OSBPL9: variants seen among roughly 807,000 people sequenced by gnomAD.
OSBPL9 encodes oxysterol binding protein like 9, also known as oxysterol-binding protein-related protein 9.
In OSBPL9, 40 loss-of-function variants were observed where a neutral mutation model predicts 106.6. The observed-to-expected ratio is 0.38, with a 90% CI of 0.29 to 0.49. The LOEUF is 0.49. Ranked by LOEUF, OSBPL9 falls within the 20% of genes least tolerant of loss-of-function variation. The pLI is 0.97. For missense variants in OSBPL9, 609 were observed against 887.2 expected (o/e 0.69, Z 3.98); for synonymous variants, 269 against 295.4 (o/e 0.91, Z 0.92).
chr1:51,724,856 T>C, intron 4 of OSBPL9: 1 of 264,346 alleles, frequency 3.8e-6, no homozygotes, highest in Non-Finnish European at 7.4e-6. Context: ...TACCCTTCTG[T>C]GTTAGCCCCT....
intron 4 of OSBPL9, among the ~76,000 whole-genome samples, chr1:51,737,890 G>A (rs1206140978): frequency 6.6e-6 from 1 of 151,948 alleles, no homozygotes; most frequent in Non-Finnish European, 1.5e-5. Context: ...ATATAGAGAG[G>A]GTGACCATGT....
chr1:51,607,408 C>T (rs533946677), intron 2 of OSBPL9, among the ~76,000 whole-genome samples: 54 of 152,142 alleles, frequency 3.5e-4, no homozygotes, highest in African/African-American at 1.3e-3. Context: ...GTGATCTGCC[C>T]GGCTCAGCCT....
In OSBPL9 at chr1:51,787,911, A is replaced by G. The variant is rs1190099625; in HGVS notation, c.*122A>G. 4.6e-6 allele frequency: 4 copies of G among 864,340 alleles called. No homozygotes were observed. Among genetic ancestry groups the G allele is most frequent in the Non-Finnish European group, 7.4e-6 (4 of 538,634 alleles). 53.5% of individuals were successfully genotyped at this position (864,340 alleles called of 1,614,324 possible). A position where few individuals can be genotyped will look rare whatever the true frequency, so the allele number is the denominator to read the frequency against. ...TTCTAATTACAGTGGTTCCTATCTC[A>G]GGGATACTGGACTTTCTGACGCAGA... On this transcript the variant is annotated 3_prime_UTR_variant, in exon 24 of 24. Coordinates refer to ENST00000428468, the MANE Select transcript of OSBPL9 (RefSeq NM_024586.6).
chr1:51,519,214 C>T, the OSBPL9 span: 4 of 1,348,366 alleles, frequency 3.0e-6, no homozygotes, highest in Non-Finnish European at 2.9e-6. Context: ...TCAGAGAGAG[C>T]TGGGCCGCCG....
chr1:51,564,312 G>A, the OSBPL9 span, among the ~76,000 whole-genome samples: 1 of 151,954 alleles, frequency 6.6e-6, no homozygotes, highest in African/African-American at 2.4e-5. Context: ...AAGTAAGATG[G>A]GAATTTCCCT....
the OSBPL9 span, among the ~76,000 whole-genome samples, chr1:51,550,213 GC>G: frequency 2.0e-5 from 3 of 152,200 alleles, no homozygotes; most frequent in Non-Finnish European, 4.4e-5. Flanking sequence ...CAAATTTATG[GC>G]AAAGTGCTTT....
upstream of OSBPL9, chr1:51,616,956 A>G: frequency 7.0e-7 from 1 of 1,433,508 alleles, no homozygotes; most frequent in Non-Finnish European, 9.2e-7. Context: ...AGGCGCCCTA[A>G]GAAAGCGTGT....
chr1:51,592,260 G>A (rs959162575), intron 1 of OSBPL9, among the ~76,000 whole-genome samples: 23 of 151,694 alleles, frequency 1.5e-4, no homozygotes, highest in Non-Finnish European at 1.8e-4. Flanking sequence ...GACTACAGGC[G>A]CCCGCCACCA....
At chr1:51,654,806 T>C (rs553426302) in intron 2 of OSBPL9, among the ~76,000 whole-genome samples, 1 of 152,220 alleles carries the variant, frequency 6.6e-6, no homozygotes, top group South Asian at 2.1e-4. Context: ...CTAAGTGAAA[T>C]AAGCCAGTTA....
the OSBPL9 span, among the ~76,000 whole-genome samples, chr1:51,552,759 G>A: frequency 6.6e-6 from 1 of 151,758 alleles, no homozygotes; most frequent in Admixed American, 6.6e-5. Context: ...CTAGTAGCTG[G>A]GATTACAGGC....
chr1:51,649,801 C>A (rs552151293), intron 1 of OSBPL9, among the ~76,000 whole-genome samples: 40 of 146,664 alleles, frequency 2.7e-4, no homozygotes, highest in African/African-American at 9.3e-4. Flanking sequence ...TAGAATGTCA[C>A]ACATTCTGGA....
the OSBPL9 span, among the ~76,000 whole-genome samples, chr1:51,558,940 C>A: frequency 6.6e-6 from 1 of 152,126 alleles, no homozygotes; most frequent in East Asian, 1.9e-4. Context: ...TGTTCTCTAC[C>A]ATCTCCTCCC....
At chr1:51,629,754 G>A (rs530763878) in intron 1 of OSBPL9, among the ~76,000 whole-genome samples, 1 of 152,192 alleles carries the variant, frequency 6.6e-6, no homozygotes, top group Admixed American at 6.6e-5. Context: ...TTTGAGACCA[G>A]CCTGGCCAAC....
At chr1:51,572,084 G>A in the OSBPL9 span, among the ~76,000 whole-genome samples, 2,921 of 152,130 alleles carry the variant, frequency 0.019, 27 homozygotes, top group African/African-American at 0.028. Context: ...CTTTAATACC[G>A]TTTAATACTC....
intron 1 of OSBPL9, among the ~76,000 whole-genome samples, chr1:51,582,407 A>G (rs1189501562): frequency 1.3e-5 from 2 of 152,180 alleles, no homozygotes; most frequent in African/African-American, 2.4e-5. Context: ...GGCTAACTGC[A>G]ACCTCCACCT....
chr1:51,623,435 G>T (rs1644568229), intron 1 of OSBPL9, among the ~76,000 whole-genome samples: 1 of 152,156 alleles, frequency 6.6e-6, no homozygotes, highest in African/African-American at 2.4e-5. Context: ...AATAGCTAAG[G>T]AATAGCTAAA....
rs917201902 is a variant in OSBPL9 at position 51,747,739 on chromosome 1, G to A, written c.463-630G>A. ...TGTGATTTTAAAATAAGTGAAATTCGTAGAAAAGCCAAAACTTGCTTTCAG... is the reference window on the plus strand; with the variant it reads ...TGTGATTTTAAAATAAGTGAAATTCATAGAAAAGCCAAAACTTGCTTTCAG... On this transcript the variant is annotated intron_variant, in intron 6 of 23. Transcript: ENST00000428468. 7.2e-5 allele frequency among the ~76,000 whole-genome samples: 11 copies of A among 151,898 alleles called. No homozygotes were observed. The South Asian group carries it at 1.0e-3, about 14-fold the overall frequency.
At chr1:51,767,738 T>C (rs1313105107) in intron 12 of OSBPL9, among the ~76,000 whole-genome samples, 1 of 152,120 alleles carries the variant, frequency 6.6e-6, no homozygotes, top group Non-Finnish European at 1.5e-5. Flanking sequence ...TTTTTTTCAT[T>C]TTGAATGTTA....
chr1:51,731,798 TAAAG>T (rs938791621), intron 4 of OSBPL9, among the ~76,000 whole-genome samples: 2 of 151,290 alleles, frequency 1.3e-5, no homozygotes, highest in African/African-American at 2.4e-5. Flanking sequence ...AAAAAACTCT[TAAAG>T]AAAAAAACAG....
Sources: gnomAD v4.1 joint callset for allele counts (sites outside exome capture counted in the v4.1 genomes callset) on GRCh38, gnomAD v4.1.1 for gene constraint, MANE v1.5 for transcripts, NCBI Gene and HGNC (gene_info 2026-07-23, HGNC 2026-07-21) for gene names.